CLPTM1L: variants seen among roughly 807,000 people sequenced by gnomAD.
CLPTM1L encodes the protein lipid scramblase CLPTM1L.
Under a neutral mutation model 70.9 loss-of-function variants are expected in CLPTM1L, and 38 were observed. That is an observed-to-expected ratio of 0.54 (90% CI 0.41 to 0.70). The LOEUF is 0.70. CLPTM1L is among the 30% of genes least tolerant of loss of function. The pLI is 0.00. For missense variants in CLPTM1L, 652 were observed against 705.9 expected (o/e 0.92, Z 0.87); for synonymous variants, 339 against 299.9 (o/e 1.13, Z -1.35).
In CLPTM1L at chr5:1,338,861, T is replaced by A. The variant is rs1448692280; in HGVS notation, c.598A>T (p.Met200Leu). 3.1e-6 allele frequency: 5 copies of A among 1,613,070 alleles called. No individual in the cohort carries two copies. In the African/African-American group the frequency reaches 5.3e-5, roughly 17 times the overall value. ...CTCCAGCTCTGGGGCCCCACTTACA[T>A]CTTCATGTACCGATGCACATCGGCA... ...LPADVHRYMKMIQLGKTVHYL... is the reference protein window; with the variant it reads ...LPADVHRYMKLIQLGKTVHYL... The change falls in exon 4 of 17, where the codon ATG becomes TTG. Residue 200 changes from methionine (M) to leucine (L), a missense_variant and splice_region_variant. Met to Leu is a conservative substitution (Grantham distance 15). Transcript: ENST00000320895.
At chr5:1,324,701 C>T (rs904834918) in intron 11 of CLPTM1L, 62 bp downstream of exon 11, 43 of 1,440,066 alleles carry the variant, frequency 3.0e-5, no homozygotes, top group Non-Finnish European at 4.1e-5. Flanking sequence ...CAGTAAAAGA[C>T]CCGTCTTTGA....
At chr5:1,333,659 C>T (rs905685602) in intron 7 of CLPTM1L, among the ~76,000 whole-genome samples, 3,461 of 87,284 alleles carry the variant, frequency 0.04, 13 homozygotes, top group Middle Eastern at 0.069. Context: ...TGTATACACA[C>T]CGGCTGAGGA....
At chr5:1,339,210 C>T (rs1753786075) in intron 3 of CLPTM1L, among the ~76,000 whole-genome samples, 2 of 148,986 alleles carry the variant, frequency 1.3e-5, no homozygotes, top group African/African-American at 2.5e-5. Flanking sequence ...GCACCCTAAC[C>T]TGTGAAGAGA....
At chr5:1,337,212 G>A (rs971770827) in intron 5 of CLPTM1L, among the ~76,000 whole-genome samples, 1 of 152,164 alleles carries the variant, frequency 6.6e-6, no homozygotes, top group African/African-American at 2.4e-5. Flanking sequence ...CCACAATTAC[G>A]GAAAGATTCA....
At chr5:1,333,991 C>A (rs1753378548) in intron 7 of CLPTM1L, among the ~76,000 whole-genome samples, 1 of 152,124 alleles carries the variant, frequency 6.6e-6, no homozygotes, top group African/African-American at 2.4e-5. Context: ...GGTGTGGACA[C>A]TGCTCAGAGT....
At chr5:1,332,922 T>G (rs999072224) in intron 7 of CLPTM1L, among the ~76,000 whole-genome samples, 1 of 151,556 alleles carries the variant, frequency 6.6e-6, no homozygotes, top group Non-Finnish European at 1.5e-5. Context: ...TAACACCAGA[T>G]GAGGATAAGG....
intron 9 of CLPTM1L, among the ~76,000 whole-genome samples, chr5:1,328,568 A>G (rs908668766): frequency 1.3e-5 from 2 of 149,384 alleles, no homozygotes; most frequent in Non-Finnish European, 3.0e-5. Flanking sequence ...GACACATTTC[A>G]TCCAGCTCCT....
At position 1,318,377 on chromosome 5, in the gene CLPTM1L, T is replaced by A. The variant is rs1426468967; in HGVS notation, c.1609A>T (p.Thr537Ser). Reference protein sequence around the residue: ...YEEKATRAPHTD With the variant: ...YEEKATRAPHSD ...GGCAGCCCGGGCGGCCTTCAGTCCG[T>A]GTGGGGCGCCCGCGTGGCCTTCTCC... The change falls in exon 17 of 17, where the codon ACG becomes TCG. Residue 537 changes from threonine to serine, a missense_variant. By Grantham distance (58) the Thr-to-Ser change is moderately conservative. Coordinates refer to ENST00000320895, the MANE Select transcript of CLPTM1L (RefSeq NM_030782.5). This position sits in a 1 kb window ranked among gnomAD's most constrained non-coding sequence, Gnocchi z 8.9. 1 of 1,613,530 alleles carries A rather than the reference T, an allele frequency of 6.2e-7. No homozygotes were observed. Among genetic ancestry groups the A allele is most frequent in the Non-Finnish European group, 8.5e-7 (1 of 1,179,860 alleles).
chr5:1,327,765 C>T (rs1752719923), intron 9 of CLPTM1L, among the ~76,000 whole-genome samples: 1 of 150,630 alleles, frequency 6.6e-6, no homozygotes, highest in East Asian at 2.0e-4. Flanking sequence ...CCCAGCTCCT[C>T]CTCTACAGGG....
rs1174100812 is a variant in CLPTM1L, at chr5:1,342,047, CACGCGT to C, written c.264-193_264-188del. ...GTGTGTGTGTGTGTGTGTGCACGCG[CACGCGT>C]GCGCGTCCTGAGAACTCGGCACAGG... On this transcript the variant is annotated intron_variant, in intron 2 of 16. Transcript: ENST00000320895. The surrounding 1 kb of genome is among the most constrained non-coding windows in gnomAD (Gnocchi z 4.3). 7.1e-6 allele frequency among the ~76,000 whole-genome samples: 1 copy of C among 141,658 alleles called. No individual in the cohort carries two copies. Among genetic ancestry groups the C allele is most frequent in the South Asian group, 2.1e-4 (1 of 4,688 alleles). 92.9% of individuals were successfully genotyped at this position (141,658 alleles called of 152,430 possible).
intron 7 of CLPTM1L, among the ~76,000 whole-genome samples, chr5:1,333,666 AG>A (rs1753331821): frequency 6.3e-5 from 6 of 95,498 alleles, no homozygotes; most frequent in Admixed American, 1.7e-4. Context: ...ACACCGGCTG[AG>A]GATAAGGGGG....
At chr5:1,332,590 C>T (rs1242109482) in intron 7 of CLPTM1L, among the ~76,000 whole-genome samples, 1 of 152,234 alleles carries the variant, frequency 6.6e-6, no homozygotes, top group African/African-American at 2.4e-5. Context: ...CCTAGCAGCT[C>T]AGCTCCACGA....
At chr5:1,327,411 GCTC>G (rs1752675289) in intron 9 of CLPTM1L, among the ~76,000 whole-genome samples, 1 of 145,738 alleles carries the variant, frequency 6.9e-6, no homozygotes, top group Non-Finnish European at 1.5e-5. Flanking sequence ...ATTCCATCCA[GCTC>G]CTCCTCTACA....
At chr5:1,341,465 T>C (rs895258854) in intron 3 of CLPTM1L, among the ~76,000 whole-genome samples, 1 of 152,222 alleles carries the variant, frequency 6.6e-6, no homozygotes, top group East Asian at 1.9e-4. Context: ...CAACTGTCCC[T>C]AATTTTAGAT....
intron 9 of CLPTM1L, among the ~76,000 whole-genome samples, chr5:1,328,711 CCATCCAGCTCCTCCTCTACAGACACATTT>C (rs1561237142): frequency 2.1e-5 from 3 of 141,284 alleles, no homozygotes; most frequent in Admixed American, 7.1e-5. Context: ...TAGACACATT[CCATCCAGCTCCTCCTCTACAGACACATTT>C]CATCCAGCTC....
intron 9 of CLPTM1L, among the ~76,000 whole-genome samples, chr5:1,327,958 T>C (rs1355672889): frequency 4.0e-5 from 1 of 24,882 alleles, no homozygotes; most frequent in Non-Finnish European, 8.2e-5. Context: ...ACACATTCCA[T>C]CCAGCTCCTC....
chr5:1,318,139 T>TG lies in CLPTM1L; in HGVS notation c.*229dup. Reference sequence around the variant, plus strand: ...TGCCGGGAGCCACCACAGCTCAAGGTGACCGGCAGCACCCAGCTCTGTGAC... The same window carrying TG: ...TGCCGGGAGCCACCACAGCTCAAGGTGGACCGGCAGCACCCAGCTCTGTGAC... On this transcript the variant is annotated 3_prime_UTR_variant, in exon 17 of 17. Transcript: ENST00000320895. This position sits in a 1 kb window ranked among gnomAD's most constrained non-coding sequence, Gnocchi z 8.9. 1.9e-6 allele frequency: 1 copy of TG among 539,696 alleles called. No homozygotes were observed. Among genetic ancestry groups the TG allele is most frequent in the Non-Finnish European group, 3.3e-6 (1 of 306,494 alleles). 33.4% of individuals were successfully genotyped at this position (539,696 alleles called of 1,614,324 possible).
At chr5:1,338,056 C>A (rs1753694425) in intron 4 of CLPTM1L, 74 bp from the exon 5 acceptor site, 9 of 1,253,720 alleles carry the variant, frequency 7.2e-6, no homozygotes, top group Non-Finnish European at 3.4e-6. Flanking sequence ...CATCCAGACA[C>A]TGGGTTTACC....
At chr5:1,330,413 G>T (rs1753011226) in intron 8 of CLPTM1L, 30 bp from the exon 9 acceptor site, 2 of 1,582,870 alleles carry the variant, frequency 1.3e-6, no homozygotes, top group African/African-American at 1.3e-5. Context: ...GCTGGGAGGG[G>T]GTGCAGGGCA....
Sources: gnomAD v4.1 joint callset for allele counts (sites outside exome capture counted in the v4.1 genomes callset) on GRCh38, gnomAD v4.1.1 for gene constraint, Gnocchi (gnomAD v3.1) non-coding constraint, MANE v1.5 for transcripts, NCBI Gene and HGNC (gene_info 2026-07-23, HGNC 2026-07-21) for gene names.